Variants in ACTR3C observed in about 807,000 individuals in gnomAD.
ACTR3C encodes actin-related protein 3C.
In ACTR3C, 18 loss-of-function variants were observed where a neutral mutation model predicts 26.3. The ratio of observed to expected loss-of-function variants is 0.68; its 90% CI spans 0.47 to 1.01. ACTR3C has a LOEUF of 1.01. Among genes scored for constraint, ACTR3C ranks in the 50% least tolerant of loss-of-function variants. The pLI is 0.00. For missense variants in ACTR3C, 184 were observed against 250.7 expected, an observed-to-expected ratio of 0.73 and a Z score of 1.80; for synonymous variants, 55 against 94.5, an observed-to-expected ratio of 0.58 and a Z score of 2.42.
the ACTR3C span, among the ~76,000 whole-genome samples, chr7:150,194,537 T>G: frequency 1.3e-5 from 2 of 151,738 alleles, no homozygotes; most frequent in East Asian, 3.9e-4. Flanking sequence ...GCCTTTTAAT[T>G]TGTATGTATA....
At chr7:150,035,317 C>T in the ACTR3C span, among the ~76,000 whole-genome samples, 231 of 36,872 alleles carry the variant, frequency 6.3e-3, 7 homozygotes, top group Middle Eastern at 0.015. Flanking sequence ...ATGGGGGTAC[C>T]AACAGCCAGG....
At chr7:150,234,126 T>C in the ACTR3C span, among the ~76,000 whole-genome samples, 2 of 152,198 alleles carry the variant, frequency 1.3e-5, no homozygotes, top group Admixed American at 1.3e-4. Flanking sequence ...TCTGGCTCTT[T>C]TAGGTGTAAT....
the ACTR3C span, among the ~76,000 whole-genome samples, chr7:150,219,033 A>C: frequency 6.6e-6 from 1 of 152,182 alleles, no homozygotes; most frequent in Non-Finnish European, 1.5e-5. Flanking sequence ...ATAGAAGAAA[A>C]TGCTTGATAT....
At chr7:150,015,637 A>T in the ACTR3C span, among the ~76,000 whole-genome samples, 15 of 152,296 alleles carry the variant, frequency 9.8e-5, no homozygotes, top group East Asian at 1.2e-3. Context: ...CTCCCCAGGT[A>T]GTAACAAGCT....
chr7:150,064,803 C>T, the ACTR3C span, among the ~76,000 whole-genome samples: 1 of 151,686 alleles, frequency 6.6e-6, no homozygotes, highest in Middle Eastern at 3.2e-3. Flanking sequence ...TTTACGTTTG[C>T]CAAGGTCTCT....
chr7:150,005,584 G>A, the ACTR3C span, among the ~76,000 whole-genome samples: 2 of 152,010 alleles, frequency 1.3e-5, no homozygotes, highest in African/African-American at 2.4e-5. Flanking sequence ...CAGTGACACC[G>A]CCCTATCTCC....
At chr7:150,043,272 G>T in the ACTR3C span, among the ~76,000 whole-genome samples, 6 of 151,368 alleles carry the variant, frequency 4.0e-5, no homozygotes, top group South Asian at 1.3e-3. Flanking sequence ...TCCCCGATGG[G>T]CGTCCTAAGC....
At chr7:150,148,455 C>T in the ACTR3C span, among the ~76,000 whole-genome samples, 17 of 151,926 alleles carry the variant, frequency 1.1e-4, no homozygotes, top group Middle Eastern at 3.4e-3. Context: ...CCAGCCTGGG[C>T]GACAGAGCAA....
the ACTR3C span, among the ~76,000 whole-genome samples, chr7:149,915,314 CAAT>C: frequency 2.0e-5 from 3 of 152,004 alleles, no homozygotes; most frequent in Non-Finnish European, 4.4e-5. Context: ...CCCTGTCTAA[CAAT>C]AAGAACATAT....
intron 6 of ACTR3C, among the ~76,000 whole-genome samples, chr7:150,281,185 T>C (rs150735210): frequency 6.6e-6 from 1 of 152,094 alleles, no homozygotes; most frequent in Non-Finnish European, 1.5e-5. Context: ...CACTGCATAG[T>C]GAACCAAGAG....
chr7:150,226,871 GTTTTC>G, the ACTR3C span, among the ~76,000 whole-genome samples: 3 of 152,122 alleles, frequency 2.0e-5, no homozygotes, highest in Non-Finnish European at 4.4e-5. Context: ...TATTGGAGTT[GTTTTC>G]TTATTGTTGA....
At chr7:150,315,865 A>C (rs1322547554) in intron 1 of ACTR3C, among the ~76,000 whole-genome samples, 1 of 152,148 alleles carries the variant, frequency 6.6e-6, no homozygotes, top group Admixed American at 6.5e-5. Context: ...TATCCTGAAA[A>C]GTCAGTCCAT....
chr7:150,139,041 G>A, the ACTR3C span, among the ~76,000 whole-genome samples: 21 of 152,360 alleles, frequency 1.4e-4, no homozygotes, highest in South Asian at 4.1e-3. Flanking sequence ...GAGTTGTACA[G>A]GTATTTCATT....
chr7:149,962,875 G>A, the ACTR3C span, among the ~76,000 whole-genome samples: 1 of 152,170 alleles, frequency 6.6e-6, no homozygotes, highest in Non-Finnish European at 1.5e-5. Context: ...CCCATAGTGG[G>A]AGGAAGTGTT....
chr7:150,151,668 T>C, the ACTR3C span, among the ~76,000 whole-genome samples: 3 of 119,748 alleles, frequency 2.5e-5, no homozygotes, highest in African/African-American at 8.6e-5. Flanking sequence ...AGGATTTTCA[T>C]GTCAGAGAGG....
intron 6 of ACTR3C, among the ~76,000 whole-genome samples, chr7:150,270,608 C>T (rs541867344): frequency 1.1e-4 from 17 of 151,056 alleles, no homozygotes; most frequent in South Asian, 2.1e-4. Context: ...CACACATGGG[C>T]GCCACCCCCC....
the ACTR3C span, among the ~76,000 whole-genome samples, chr7:150,193,991 G>GACACACACAC: frequency 3.8e-5 from 5 of 131,854 alleles, no homozygotes; most frequent in South Asian, 2.6e-4. Flanking sequence ...TACACACACA[G>GACACACACAC]ACACACACAC....
chr7:149,931,167 T>C, the ACTR3C span, among the ~76,000 whole-genome samples: 1 of 152,208 alleles, frequency 6.6e-6, no homozygotes, highest in African/African-American at 2.4e-5. Flanking sequence ...AGCCCGGCCA[T>C]ATGAAAACTT....
At chr7:149,941,619 T>C in the ACTR3C span, among the ~76,000 whole-genome samples, 1 of 152,230 alleles carries the variant, frequency 6.6e-6, no homozygotes. Flanking sequence ...AGCAACCTCC[T>C]GATCCTGTCC....
Sources: allele counts gnomAD v4.1 joint callset (sites outside exome capture counted in the v4.1 genomes callset), GRCh38; gene constraint gnomAD v4.1.1; transcripts MANE v1.5; gene names NCBI Gene and HGNC (gene_info 2026-07-23, HGNC 2026-07-21).